KLHL5: variants seen among roughly 807,000 people sequenced by gnomAD.
The protein encoded by KLHL5 is kelch-like protein 5.
Under a neutral mutation model 77.7 loss-of-function variants are expected in KLHL5, and 48 were observed. That is an observed-to-expected ratio of 0.62 (90% CI 0.49 to 0.79). KLHL5 has a LOEUF of 0.79. Ranked by LOEUF, KLHL5 falls within the 30% of genes least tolerant of loss-of-function variation. The probability of loss-of-function intolerance (pLI) is 0.00; values close to 1 mark genes in which losing one functional copy is unlikely to be tolerated. For missense variants in KLHL5, 723 were observed against 859.7 expected, an observed-to-expected ratio of 0.84 and a Z score of 1.99; for synonymous variants, 260 against 297.0, an observed-to-expected ratio of 0.88 and a Z score of 1.28.
chr4:39,085,711 T>C (rs1188077911), intron 4 of KLHL5, among the ~76,000 whole-genome samples: 1 of 152,160 alleles, frequency 6.6e-6, no homozygotes. Flanking sequence ...GATTCTAACG[T>C]GAGGCCAGGA....
chr4:39,046,036 C>G (rs1335812971), intron 1 of KLHL5, among the ~76,000 whole-genome samples: 8 of 143,750 alleles, frequency 5.6e-5, no homozygotes, highest in Admixed American at 1.4e-4. Context: ...CCAATCATGA[C>G]TTTTTTTTTT....
intron 5 of KLHL5, among the ~76,000 whole-genome samples, chr4:39,089,426 TC>T (rs1720320831): frequency 1.3e-5 from 2 of 152,164 alleles, no homozygotes; most frequent in Non-Finnish European, 2.9e-5. Flanking sequence ...GTCTAAGGAC[TC>T]TGAAGTCCTT....
At chr4:39,103,193 G>T in intron 6 of KLHL5, 94 bp from the exon 7 acceptor site, 1 of 916,390 alleles carries the variant, frequency 1.1e-6, no homozygotes, top group Non-Finnish European at 1.7e-6. Context: ...TATTCTCAAT[G>T]CTAATAAGAT....
the KLHL5 span, among the ~76,000 whole-genome samples, chr4:39,141,585 A>G: frequency 1.1e-4 from 16 of 152,132 alleles, no homozygotes; most frequent in South Asian, 2.3e-3. Flanking sequence ...TGCTGGGATT[A>G]CAGGCATGAG....
chr4:39,046,334 G>A (rs1341709426), intron 1 of KLHL5, among the ~76,000 whole-genome samples: 1 of 152,040 alleles, frequency 6.6e-6, no homozygotes, highest in Non-Finnish European at 1.5e-5. Flanking sequence ...AGAACACAAA[G>A]TCAAGAAAAA....
chr4:39,090,322 C>T (rs1198573869), intron 5 of KLHL5, among the ~76,000 whole-genome samples: 1 of 152,118 alleles, frequency 6.6e-6, no homozygotes, highest in African/African-American at 2.4e-5. Flanking sequence ...TCCACTTACC[C>T]TAGCTAGAAG....
intron 1 of KLHL5, among the ~76,000 whole-genome samples, chr4:39,064,404 G>A (rs138023216): frequency 0.018 from 2,813 of 152,098 alleles, 79 homozygotes; most frequent in African/African-American, 0.065. Flanking sequence ...GCCATAAAGA[G>A]AACAATTTAT....
chr4:39,064,471 A>T (rs1717712250), intron 1 of KLHL5, among the ~76,000 whole-genome samples: 1 of 152,158 alleles, frequency 6.6e-6, no homozygotes, highest in Admixed American at 6.5e-5. Context: ...TTCATTTGAA[A>T]ATCAATATAT....
chr4:39,122,808 A>G lies in KLHL5; in HGVS notation c.*1742A>G, dbSNP rs1005254291. 6.6e-6 allele frequency among the ~76,000 whole-genome samples: 1 copy of G among 151,782 alleles called. No homozygotes were observed. On this transcript the variant is annotated 3_prime_UTR_variant, in exon 11 of 11. Transcript: ENST00000504108. ...AGCCTGGGTGACAGAGCGAGACTCCATCAAAAAAAAATAAATAAAAAAAAA... is the reference window on the plus strand; with the variant it reads ...AGCCTGGGTGACAGAGCGAGACTCCGTCAAAAAAAAATAAATAAAAAAAAA...
At chr4:39,053,490 A>G (rs1003394434) in intron 1 of KLHL5, among the ~76,000 whole-genome samples, 2 of 152,248 alleles carry the variant, frequency 1.3e-5, no homozygotes, top group African/African-American at 4.8e-5. Flanking sequence ...TTTATGGCAC[A>G]TAAGATAATT....
At chr4:39,112,474 G>C (rs1400937257) in intron 8 of KLHL5, among the ~76,000 whole-genome samples, 1 of 152,068 alleles carries the variant, frequency 6.6e-6, no homozygotes, top group Non-Finnish European at 1.5e-5. Context: ...GCTGCTTACT[G>C]GGTGACCCTG....
At chr4:39,119,695 C>G (rs1336946770) in intron 10 of KLHL5, among the ~76,000 whole-genome samples, 1 of 152,200 alleles carries the variant, frequency 6.6e-6, no homozygotes, top group Non-Finnish European at 1.5e-5. Context: ...AGCCACTACC[C>G]ACCTCACTAC....
intron 9 of KLHL5, 101 bp from the exon 10 acceptor site, chr4:39,115,058 A>C (rs1722736647): frequency 1.0e-6 from 1 of 991,990 alleles, no homozygotes; most frequent in Admixed American, 2.6e-5. Flanking sequence ...ATTTGATTAC[A>C]TAGTAGATAA....
the KLHL5 span, among the ~76,000 whole-genome samples, chr4:39,141,186 A>G: frequency 3.5e-4 from 53 of 152,280 alleles, 1 homozygote; most frequent in African/African-American, 1.2e-3. Context: ...AAACAGGTTC[A>G]ATTATGCTGA....
rs978407940 is a variant in KLHL5, at chr4:39,126,094, C to T, written c.*5028C>T. The stretch of plus-strand genomic sequence containing the variant: ...GTTAACGGGGAACTTCCCCACCGTC[C>T]GGTACATGGCAGGCATTCCACAAAT... On this transcript the variant is annotated 3_prime_UTR_variant, in exon 11 of 11. Coordinates refer to ENST00000504108, the MANE Select transcript of KLHL5 (RefSeq NM_015990.5). Among the ~76,000 whole-genome samples, 1 of 152,040 alleles carries T rather than the reference C, an allele frequency of 6.6e-6. No individual in the cohort carries two copies. Among genetic ancestry groups the T allele is most frequent in the South Asian group, 2.1e-4 (1 of 4,822 alleles).
At position 39,063,647 on chromosome 4, in the gene KLHL5, T is replaced by G. The variant is rs770210292; in HGVS notation, c.383+612T>G. On this transcript the variant is annotated intron_variant, in intron 1 of 10. Coordinates refer to ENST00000504108, the MANE Select transcript of KLHL5 (RefSeq NM_015990.5). ...GCTACTAATTCCTGTTACCTTCACT[T>G]TCACTGAAATGTGTGCTATTTAGGG... 17 of 419,574 alleles carry G rather than the reference T, an allele frequency of 4.1e-5. 1 individual carries two copies. Among genetic ancestry groups the G allele is most frequent in the Middle Eastern group, 6.8e-4 (2 of 2,926 alleles). 26.0% of individuals were successfully genotyped at this position (419,574 alleles called of 1,614,324 possible). A position where few individuals can be genotyped will look rare whatever the true frequency, so the allele number is the denominator to read the frequency against.
rs1347595070 is a variant in KLHL5, at chr4:39,121,954, A to G, written c.*888A>G. ...GATATCCTTATGTTCTCAAGTCTGT[A>G]TCTGCCTCCCCTGCCTTATTTCTTA... On this transcript the variant is annotated 3_prime_UTR_variant, in exon 11 of 11. Coordinates refer to ENST00000504108, the MANE Select transcript of KLHL5 (RefSeq NM_015990.5). The G allele has an allele frequency of 6.6e-6, 1 of 152,588 alleles. No individual in the cohort carries two copies. The highest frequency in any genetic ancestry group is 6.5e-5 in the Admixed American group (1 of 15,278). The allele number at this position is 152,588 out of a possible 1,614,324, so 9.5% of individuals were successfully genotyped here. A position where few individuals can be genotyped will look rare whatever the true frequency, so the allele number is the denominator to read the frequency against.
chr4:39,077,708 AAC>A (rs1190332929), intron 2 of KLHL5, among the ~76,000 whole-genome samples: 3 of 150,692 alleles, frequency 2.0e-5, no homozygotes, highest in Non-Finnish European at 3.0e-5. Flanking sequence ...AAAAAAAAAA[AAC>A]AAAAAACAAA....
At chr4:39,047,180 G>A (rs1716255342) in intron 1 of KLHL5, among the ~76,000 whole-genome samples, 1 of 152,194 alleles carries the variant, frequency 6.6e-6, no homozygotes. Context: ...CACTTTGGGA[G>A]GCCAAGGTAG....
Sources: allele counts gnomAD v4.1 joint callset (sites outside exome capture counted in the v4.1 genomes callset), GRCh38; gene constraint gnomAD v4.1.1; transcripts MANE v1.5; gene names NCBI Gene and HGNC (gene_info 2026-07-23, HGNC 2026-07-21).